The following MON2 variants were observed in gnomAD, a reference collection of about 807,000 sequenced individuals.
MON2 encodes the protein MON2 regulator of endosome-to-Golgi trafficking, also known as protein MON2 homolog.
In MON2, 84 loss-of-function variants were observed where a neutral mutation model predicts 208.6. That is an observed-to-expected ratio of 0.40 (90% CI 0.34 to 0.48). The LOEUF (loss-of-function observed/expected upper bound fraction) is 0.48, where lower values mean the gene tolerates loss of function less well. Ranked by LOEUF, MON2 falls within the 20% of genes least tolerant of loss-of-function variation. MON2 has a pLI of 0.59. For synonymous variants in MON2, 660 were observed against 694.0 expected (o/e 0.95, Z 0.77); for missense variants, 1,611 against 2,015.4 (o/e 0.80, Z 3.84).
intron 8 of MON2, among the ~76,000 whole-genome samples, chr12:62,522,213 A>G (rs1261588552): frequency 6.6e-6 from 1 of 152,136 alleles, no homozygotes; most frequent in Admixed American, 6.5e-5. Flanking sequence ...AGGCTAGCAT[A>G]TCTCTTTTCT....
intron 1 of MON2, chr12:62,482,542 C>T (rs1479392473): frequency 1.3e-5 from 2 of 152,116 alleles, no homozygotes; most frequent in South Asian, 2.1e-4. Flanking sequence ...CATATAGCTT[C>T]TTATGAGTAC....
chr12:62,537,941 A>G (rs2073056989), intron 16 of MON2, among the ~76,000 whole-genome samples, 155 bp from the exon 17 acceptor site: 1 of 152,220 alleles, frequency 6.6e-6, no homozygotes, highest in South Asian at 2.1e-4. Context: ...ATTATTTTAT[A>G]TGAATGTTAA....
chr12:62,520,700 C>T (rs1028582536), intron 8 of MON2, among the ~76,000 whole-genome samples: 2 of 151,644 alleles, frequency 1.3e-5, no homozygotes, highest in East Asian at 1.9e-4. Flanking sequence ...TTTAGGAGAC[C>T]GATCACCTGA....
intron 2 of MON2, among the ~76,000 whole-genome samples, 190 bp downstream of exon 2, chr12:62,484,423 T>C (rs188002043): frequency 6.6e-6 from 1 of 152,280 alleles, no homozygotes; most frequent in East Asian, 1.9e-4. Context: ...CAGAGACGAA[T>C]GCTACAAAAA....
At chr12:62,497,258 C>T (rs866998210) in intron 4 of MON2, among the ~76,000 whole-genome samples, 24 of 151,122 alleles carry the variant, frequency 1.6e-4, no homozygotes, top group South Asian at 4.2e-4. Flanking sequence ...GGCACATGTA[C>T]ACATATGTAA....
chr12:62,582,081 T>G (rs1288841964), intron 32 of MON2, among the ~76,000 whole-genome samples: 3 of 152,038 alleles, frequency 2.0e-5, no homozygotes, highest in Non-Finnish European at 4.4e-5. Context: ...TCGGGGAAAA[T>G]TTTAAACCCC....
chr12:62,547,672 A>G (rs1035152337), intron 22 of MON2, among the ~76,000 whole-genome samples: 1 of 152,202 alleles, frequency 6.6e-6, no homozygotes. Context: ...CTAACGTTTC[A>G]GTCAACAACA....
intron 9 of MON2, 121 bp from the exon 10 acceptor site, chr12:62,524,963 A>G (rs2072258316): frequency 1.1e-6 from 1 of 878,516 alleles, no homozygotes. Context: ...ACTGAGTTGT[A>G]ATGAAGAATG....
chr12:62,580,290 G>T lies in MON2; in HGVS notation c.4576-7G>T. 6.2e-7 allele frequency: 1 copy of T among 1,607,532 alleles called. No homozygotes were observed. The highest frequency in any genetic ancestry group is 8.5e-7 in the Non-Finnish European group (1 of 1,176,828). ...CAATACATTTGCATTTGCCTCTTTT[G>T]TTTTAGGTAGTTCAACTTATCAGCA... On this transcript the variant is annotated splice_polypyrimidine_tract_variant and splice_region_variant and intron_variant, in intron 31 of 34. Transcript: ENST00000393630.
intron 34 of MON2, among the ~76,000 whole-genome samples, chr12:62,591,242 TG>T (rs1286595624): frequency 6.6e-6 from 1 of 152,212 alleles, no homozygotes; most frequent in Non-Finnish European, 1.5e-5. Flanking sequence ...TGAAATGTGA[TG>T]TGAATTCCCA....
chr12:62,592,592 G>A lies in MON2; in HGVS notation c.4997G>A (p.Gly1666Glu). 6.3e-7 allele frequency: 1 copy of A among 1,587,916 alleles called. No individual in the cohort carries two copies. The highest frequency in any genetic ancestry group is 2.2e-5 in the East Asian group (1 of 44,474). ...TTATACTTTTGCATTACAGTTGATGGAAATACCTGGGCACAAGTAATTGCC... is the reference window on the plus strand; with the variant it reads ...TTATACTTTTGCATTACAGTTGATGAAAATACCTGGGCACAAGTAATTGCC... ...LKKTQPENVD[G>E]NTWAQVIALY... The change falls in exon 35 of 35, where the codon GGA (glycine) becomes GAA (glutamate). Residue 1666 changes from glycine (G) to glutamate (E), a missense_variant. By Grantham distance (98) the Gly-to-Glu change is moderately conservative. Coordinates refer to ENST00000393630, the MANE Select transcript of MON2 (RefSeq NM_015026.3).
At chr12:62,540,098 AT>A (rs2073167540) in intron 19 of MON2, among the ~76,000 whole-genome samples, 1 of 152,208 alleles carries the variant, frequency 6.6e-6, no homozygotes, top group South Asian at 2.1e-4. Flanking sequence ...AAACTATAAT[AT>A]TTTTAATAAA....
At chr12:62,580,147 G>A (rs996044604) in intron 31 of MON2, 150 bp from the exon 32 acceptor site, 3 of 712,046 alleles carry the variant, frequency 4.2e-6, no homozygotes, top group Non-Finnish European at 4.6e-6. Flanking sequence ...TAGTCATTCT[G>A]TATGTTAACA....
intron 32 of MON2, among the ~76,000 whole-genome samples, 164 bp downstream of exon 32, chr12:62,580,584 C>A (rs190620790): frequency 6.6e-6 from 1 of 152,244 alleles, no homozygotes; most frequent in East Asian, 1.9e-4. Context: ...AATGTTATGA[C>A]ATGACTATTC....
At chr12:62,467,424 C>G (rs888384726) in intron 1 of MON2, 106 bp downstream of exon 1, 1 of 888,196 alleles carries the variant, frequency 1.1e-6, no homozygotes, top group Admixed American at 2.2e-5. Context: ...CAGGCCTCAC[C>G]TTTCCAGATT....
At position 62,580,290 on chromosome 12, in the gene MON2, GT is replaced by G. The variant is rs762899953; in HGVS notation, c.4576-3del. On this transcript the variant is annotated splice_polypyrimidine_tract_variant and splice_region_variant and intron_variant, in intron 31 of 34. Transcript: ENST00000393630. ...CAATACATTTGCATTTGCCTCTTTT[GT>G]TTTAGGTAGTTCAACTTATCAGCAA... is the stretch of plus-strand genomic sequence containing the variant. 12 of 1,607,534 alleles carry G rather than the reference GT, an allele frequency of 7.5e-6. No homozygotes were observed. The highest frequency in any genetic ancestry group is 7.6e-6 in the Non-Finnish European group (9 of 1,176,830).
At chr12:62,579,542 T>G (rs2074926216) in intron 31 of MON2, among the ~76,000 whole-genome samples, 1 of 147,542 alleles carries the variant, frequency 6.8e-6, no homozygotes, top group South Asian at 2.1e-4. Flanking sequence ...GTTAACATGG[T>G]GAAACCCCGT....
intron 24 of MON2, among the ~76,000 whole-genome samples, chr12:62,555,543 C>T (rs2073927890): frequency 6.6e-6 from 1 of 152,124 alleles, no homozygotes; most frequent in Admixed American, 6.6e-5. Context: ...GGCACAGTGG[C>T]CCACGCCTGT....
chr12:62,481,608 T>C (rs1421094753), intron 1 of MON2, among the ~76,000 whole-genome samples: 6 of 152,158 alleles, frequency 3.9e-5, no homozygotes, highest in Non-Finnish European at 1.5e-5. Context: ...AGGACTTATT[T>C]AAAAGCTTCT....
Sources: gnomAD v4.1 joint callset for allele counts (sites outside exome capture counted in the v4.1 genomes callset) on GRCh38, gnomAD v4.1.1 for gene constraint, MANE v1.5 for transcripts, NCBI Gene and HGNC (gene_info 2026-07-23, HGNC 2026-07-21) for gene names.